CALCOCO2: variants seen among roughly 807,000 people sequenced by gnomAD.
CALCOCO2 encodes the protein calcium binding and coiled-coil domain 2.
In CALCOCO2, 42 loss-of-function variants were observed where a neutral mutation model predicts 62.5. That is an observed-to-expected ratio of 0.67 (90% CI 0.53 to 0.87). The LOEUF (loss-of-function observed/expected upper bound fraction) is 0.87, where lower values mean the gene tolerates loss of function less well. Among genes scored for constraint, CALCOCO2 ranks in the 40% least tolerant of loss-of-function variants. CALCOCO2 has a pLI of 0.00. For synonymous variants in CALCOCO2, 167 were observed against 173.0 expected (o/e 0.97, Z 0.27); for missense variants, 456 against 515.0 (o/e 0.89, Z 1.11).
chr17:48,844,366 T>A (rs1482907818), intron 2 of CALCOCO2, among the ~76,000 whole-genome samples: 1 of 152,140 alleles, frequency 6.6e-6, no homozygotes. Context: ...AACATCGTTA[T>A]ATTTCTATTT....
At chr17:48,833,028 G>A (rs1353148399) in intron 1 of CALCOCO2, among the ~76,000 whole-genome samples, 1 of 152,062 alleles carries the variant, frequency 6.6e-6, no homozygotes. Context: ...TTTAGGTAAG[G>A]GTCTAGAATT....
chr17:48,854,427 A>G (rs2040182127), intron 9 of CALCOCO2, among the ~76,000 whole-genome samples: 2 of 2,900 alleles, frequency 6.9e-4, no homozygotes, highest in African/African-American at 1.2e-3. Flanking sequence ...TTTTTTTTTG[A>G]GACAGTCTTG....
chr17:48,842,096 A>G (rs1451598340), intron 2 of CALCOCO2: 1 of 337,872 alleles, frequency 3.0e-6, no homozygotes, highest in African/African-American at 2.2e-5. Flanking sequence ...CTAAAATAAG[A>G]TGGCAAATCA....
chr17:48,843,386 T>C (rs2040002053), intron 2 of CALCOCO2, among the ~76,000 whole-genome samples: 1 of 152,212 alleles, frequency 6.6e-6, no homozygotes. Flanking sequence ...CAGTGACCTT[T>C]GGTTTGACAC....
At chr17:48,845,385 G>C (rs1468065292) in intron 2 of CALCOCO2, among the ~76,000 whole-genome samples, 18 of 87,736 alleles carry the variant, frequency 2.1e-4, no homozygotes, top group African/African-American at 6.0e-4. Flanking sequence ...GTGTGTGTGT[G>C]TGTGTGTGTG....
chr17:48,836,760 T>C (rs979108486), intron 1 of CALCOCO2, among the ~76,000 whole-genome samples: 1 of 140,608 alleles, frequency 7.1e-6, no homozygotes, highest in African/African-American at 2.8e-5. Context: ...AAGTCACTCT[T>C]TTTTTTTTTT....
rs901573302 is a variant in CALCOCO2, at chr17:48,848,359, C to G, written c.321C>G (p.Phe107Leu). 1 of 1,613,200 alleles carries G rather than the reference C, an allele frequency of 6.2e-7. No homozygotes were observed. Among genetic ancestry groups the G allele is most frequent in the Non-Finnish European group, 8.5e-7 (1 of 1,179,176 alleles). The part of the protein sequence containing the change: ...YLPKDDEYYQ[F>L]CYVDEDGVVR... ...CCAAGGATGATGAGTATTACCAGTT[C>G]TGCTATGTGGATGAGGATGGTGTGG... The change falls in exon 4 of 13, where the codon TTC becomes TTG. Residue 107 changes from phenylalanine (F) to leucine (L), a missense_variant. Coordinates refer to ENST00000258947, the MANE Select transcript of CALCOCO2 (RefSeq NM_005831.5).
In CALCOCO2 at chr17:48,856,664, CATT is replaced by C. The variant is rs781367767; in HGVS notation, c.1008+478_1008+480del. The C allele has an allele frequency of 5.8e-5, 26 of 451,936 alleles. 1 individual carries two copies. Among genetic ancestry groups the C allele is most frequent in the South Asian group, 3.5e-4 (22 of 63,434 alleles). 28.0% of individuals were successfully genotyped at this position (451,936 alleles called of 1,614,324 possible). Reference sequence around the variant, plus strand: ...GCATTCATTCATTCATTCATTCATTCATTCATTGGTTCATTCATTCATCCAACC... The same window carrying C: ...GCATTCATTCATTCATTCATTCATTCCATTGGTTCATTCATTCATCCAACC... On this transcript the variant is annotated intron_variant, in intron 10 of 12. Coordinates refer to ENST00000258947, the MANE Select transcript of CALCOCO2 (RefSeq NM_005831.5).
intron 11 of CALCOCO2, among the ~76,000 whole-genome samples, chr17:48,861,878 T>C (rs1224604219): frequency 1.3e-5 from 2 of 151,476 alleles, no homozygotes; most frequent in African/African-American, 4.9e-5. Context: ...AGAAACCCTG[T>C]CTCTACTAAA....
At chr17:48,849,547 C>G (rs1192300922) in intron 5 of CALCOCO2, among the ~76,000 whole-genome samples, 170 bp downstream of exon 5, 1 of 152,086 alleles carries the variant, frequency 6.6e-6, no homozygotes, top group Non-Finnish European at 1.5e-5. Context: ...ACTGTGTCAC[C>G]CAGGCTGGAG....
chr17:48,837,627 C>T (rs946042462), intron 1 of CALCOCO2, among the ~76,000 whole-genome samples: 7 of 151,588 alleles, frequency 4.6e-5, no homozygotes, highest in Admixed American at 3.9e-4. Context: ...GCCTGGGGAA[C>T]AGAGCGAAAC....
rs539501028 is a variant in CALCOCO2, at chr17:48,858,588, C to T, written c.1009-1726C>T. ...CAAGCAATCCGCCCACCTCAGCCTC[C>T]CAAAGTGATGGGATTACAGGCATAA... On this transcript the variant is annotated intron_variant, in intron 10 of 12. Coordinates refer to ENST00000258947, the MANE Select transcript of CALCOCO2 (RefSeq NM_005831.5). Among the ~76,000 whole-genome samples the T allele has an allele frequency of 2.0e-5, 3 of 152,088 alleles. No homozygotes were observed. In the East Asian group the frequency reaches 5.8e-4, roughly 30 times the overall value.
At chr17:48,852,324 T>G in intron 7 of CALCOCO2, 182 bp from the exon 8 acceptor site, 1 of 560,282 alleles carries the variant, frequency 1.8e-6, no homozygotes, top group Non-Finnish European at 3.2e-6. Flanking sequence ...AGAACTGCTC[T>G]CATTTTTAGG....
At chr17:48,839,707 A>C (rs1598026393) in intron 1 of CALCOCO2, among the ~76,000 whole-genome samples, 10 of 57,768 alleles carry the variant, frequency 1.7e-4, no homozygotes, top group African/African-American at 2.1e-4. Context: ...ACGGAGTTTC[A>C]CTCTTCTTGC....
intron 10 of CALCOCO2, among the ~76,000 whole-genome samples, chr17:48,858,218 C>T (rs909349558): frequency 1.3e-5 from 2 of 151,934 alleles, no homozygotes; most frequent in African/African-American, 4.8e-5. Flanking sequence ...TCACTTTCTA[C>T]TTTTGATTAT....
In CALCOCO2 at chr17:48,862,305, G is replaced by GT. The variant is rs1321156281; in HGVS notation, c.1173+2dup. On this transcript the variant is annotated splice_donor_variant, in intron 12 of 12. Coordinates refer to ENST00000258947, the MANE Select transcript of CALCOCO2 (RefSeq NM_005831.5). LOFTEE classifies it high-confidence loss of function. ...CCAAGAAAGTTCTTCCCCCAGCCCG[G>GT]TAAGTATTTGATTCATGAGAATATT... is the stretch of plus-strand genomic sequence containing the variant. 1.3e-6 allele frequency: 2 copies of GT among 1,581,314 alleles called. No individual in the cohort carries two copies. The highest frequency in any genetic ancestry group is 1.7e-6 in the Non-Finnish European group (2 of 1,150,202).
chr17:48,859,045 CAAAAAAAAAAA>C (rs61643790), intron 10 of CALCOCO2, among the ~76,000 whole-genome samples: 5 of 35,624 alleles, frequency 1.4e-4, no homozygotes, highest in Non-Finnish European at 1.9e-4. Flanking sequence ...GACTCTGTCT[CAAAAAAAAAAA>C]AAAAAAAAAA....
chr17:48,837,995 A>C (rs2039917465), intron 1 of CALCOCO2, among the ~76,000 whole-genome samples: 1 of 152,140 alleles, frequency 6.6e-6, no homozygotes, highest in Non-Finnish European at 1.5e-5. Context: ...ACATTGAAGC[A>C]GGAAGAGCCA....
intron 1 of CALCOCO2, among the ~76,000 whole-genome samples, chr17:48,839,895 G>T (rs946487530): frequency 2.6e-5 from 4 of 151,232 alleles, no homozygotes; most frequent in African/African-American, 9.7e-5. Context: ...AGCTGGTCTC[G>T]AATTCCTAAC....
Sources: gnomAD v4.1 joint callset for allele counts (sites outside exome capture counted in the v4.1 genomes callset) on GRCh38, gnomAD v4.1.1 for gene constraint, MANE v1.5 for transcripts, NCBI Gene and HGNC (gene_info 2026-07-23, HGNC 2026-07-21) for gene names.